The following GPC6 variants were observed in gnomAD, a reference collection of about 807,000 sequenced individuals.
GPC6 encodes the protein glypican 6, also known as glypican-6.
A neutral mutation model predicts 55.2 loss-of-function variants in GPC6; 14 were observed. The ratio of observed to expected loss-of-function variants is 0.25; its 90% CI spans 0.17 to 0.40. The LOEUF (loss-of-function observed/expected upper bound fraction) is 0.40, where lower values mean the gene tolerates loss of function less well. GPC6 is among the 10% of genes least tolerant of loss of function. GPC6 has a pLI of 1.00. For missense variants in GPC6, 641 were observed against 708.5 expected (o/e 0.90, Z 1.08); for synonymous variants, 278 against 259.6 (o/e 1.07, Z -0.68).
intron 4 of GPC6, among the ~76,000 whole-genome samples, chr13:94,198,125 C>G (rs1036974546): frequency 6.6e-6 from 1 of 152,056 alleles, no homozygotes; most frequent in Non-Finnish European, 1.5e-5. Context: ...GGTGTTTCAG[C>G]TGTTAAGTAC....
chr13:93,286,028 C>A (rs1878113055), intron 1 of GPC6, among the ~76,000 whole-genome samples: 1 of 152,164 alleles, frequency 6.6e-6, no homozygotes, highest in East Asian at 1.9e-4. Context: ...ACAATTAGTC[C>A]TTGTGTTAGT....
At chr13:94,236,749 G>A (rs149407738) in intron 4 of GPC6, among the ~76,000 whole-genome samples, 1 of 152,168 alleles carries the variant, frequency 6.6e-6, no homozygotes, top group East Asian at 1.9e-4. Flanking sequence ...CCTTCTGTAA[G>A]TATTTCCTGA....
intron 2 of GPC6, among the ~76,000 whole-genome samples, chr13:93,675,132 T>C (rs554529470): frequency 5.3e-5 from 8 of 152,292 alleles, no homozygotes; most frequent in South Asian, 2.1e-4. Context: ...ACAAGTGCAG[T>C]GTACAAGTAG....
At chr13:94,292,557 C>T (rs1875042726) in intron 5 of GPC6, among the ~76,000 whole-genome samples, 2 of 152,110 alleles carry the variant, frequency 1.3e-5, no homozygotes, top group African/African-American at 2.4e-5. Flanking sequence ...TTTGATAGTA[C>T]ACAATATAAA....
chr13:93,418,316 A>G (rs1876779770), intron 1 of GPC6, among the ~76,000 whole-genome samples: 1 of 151,554 alleles, frequency 6.6e-6, no homozygotes, highest in African/African-American at 2.4e-5. Context: ...ATTTTAAAAT[A>G]TACAATTAAT....
At chr13:93,789,608 T>TAATACTACATATATATAATACTAC (rs3077838) in intron 2 of GPC6, among the ~76,000 whole-genome samples, 1 of 33,070 alleles carries the variant, frequency 3.0e-5, no homozygotes, top group African/African-American at 1.5e-4. Context: ...CATATATATA[T>TAATACTACATATATATAATACTAC]ATATATATAT....
chr13:93,527,222 G>A (rs1164054323), intron 1 of GPC6, among the ~76,000 whole-genome samples: 1 of 152,084 alleles, frequency 6.6e-6, no homozygotes, highest in Non-Finnish European at 1.5e-5. Context: ...TTTTGTGTGT[G>A]TGTGGTAAGA....
intron 3 of GPC6, among the ~76,000 whole-genome samples, chr13:93,874,842 C>T (rs1006496087): frequency 8.6e-5 from 13 of 151,852 alleles, no homozygotes; most frequent in African/African-American, 2.9e-4. Flanking sequence ...ATCCTAGTTA[C>T]ATCTCCTCTA....
intron 4 of GPC6, among the ~76,000 whole-genome samples, chr13:94,263,306 AT>A (rs932937981): frequency 7.2e-5 from 11 of 152,244 alleles, no homozygotes; most frequent in African/African-American, 2.4e-4. Context: ...AGATGTAAAT[AT>A]TTAAAGTACT....
chr13:93,915,770 G>A lies in GPC6; in HGVS notation c.711+85225G>A, dbSNP rs116612557. ...AATTGTACCCCATGGTGCACTTTCT[G>A]AGGTTCCCTTGACCACCCTCTTATT... On this transcript the variant is annotated intron_variant, in intron 3 of 8. Coordinates refer to ENST00000377047, the MANE Select transcript of GPC6 (RefSeq NM_005708.5). 7.2e-3 allele frequency among the ~76,000 whole-genome samples: 1,092 copies of A among 152,310 alleles called. 13 individuals are homozygous for A. The highest frequency in any genetic ancestry group is 0.025 in the African/African-American group (1,036 of 41,554).
chr13:94,116,278 A>G (rs539912874), intron 4 of GPC6, among the ~76,000 whole-genome samples: 2 of 152,164 alleles, frequency 1.3e-5, no homozygotes, highest in African/African-American at 4.8e-5. Flanking sequence ...AATGCCTACT[A>G]CATTCTGGAA....
intron 4 of GPC6, among the ~76,000 whole-genome samples, chr13:94,130,524 AG>A (rs1886971625): frequency 6.6e-6 from 1 of 152,192 alleles, no homozygotes; most frequent in Admixed American, 6.6e-5. Flanking sequence ...AGTGCAGAAG[AG>A]AACTTCAAGA....
chr13:93,779,244 G>A (rs1281981964), intron 2 of GPC6, among the ~76,000 whole-genome samples: 6 of 152,118 alleles, frequency 3.9e-5, no homozygotes, highest in African/African-American at 1.4e-4. Context: ...CAGTGGAGGA[G>A]CTGAATACAC....
chr13:94,100,512 T>G (rs1433224809), intron 4 of GPC6, among the ~76,000 whole-genome samples: 1 of 152,204 alleles, frequency 6.6e-6, no homozygotes, highest in Non-Finnish European at 1.5e-5. Context: ...GACTGGCTTT[T>G]TAATAGTATC....
chr13:94,094,745 T>A (rs1295154914), intron 4 of GPC6, among the ~76,000 whole-genome samples: 1 of 152,188 alleles, frequency 6.6e-6, no homozygotes, highest in Non-Finnish European at 1.5e-5. Context: ...GTGTCACTCA[T>A]ACAGATTACT....
chr13:93,472,573 C>T lies in GPC6; in HGVS notation c.161-72690C>T, dbSNP rs150990354. 5.8e-4 allele frequency among the ~76,000 whole-genome samples: 89 copies of T among 152,256 alleles called. 1 individual carries two copies. The East Asian group carries it at 0.01, about 18-fold the overall frequency. Reference sequence around the variant, plus strand: ...TGGCACTGGAAAATGTGGGGGTGCCCGGAAGCTTGGAGATGCCAGGAACTG... The same window carrying T: ...TGGCACTGGAAAATGTGGGGGTGCCTGGAAGCTTGGAGATGCCAGGAACTG... On this transcript the variant is annotated intron_variant, in intron 1 of 8. Coordinates refer to ENST00000377047, the MANE Select transcript of GPC6 (RefSeq NM_005708.5).
chr13:94,079,658 A>G (rs537615110), intron 4 of GPC6, among the ~76,000 whole-genome samples: 104 of 152,320 alleles, frequency 6.8e-4, no homozygotes, highest in African/African-American at 2.4e-3. Context: ...GTGTGAACCT[A>G]TATTCCTCCT....
chr13:94,407,004 G>A lies in GPC6; in HGVS notation c.*3787G>A, dbSNP rs144357087. The A allele has an allele frequency of 8.5e-5, 13 of 152,210 alleles. No homozygotes were observed. The highest frequency in any genetic ancestry group is 1.8e-4 in the Non-Finnish European group (12 of 67,958). 9.4% of individuals were successfully genotyped at this position (152,210 alleles called of 1,614,324 possible). ...ATAAATTTGTAATGTGTTCCTCCTTGTTGGAGACATTAGCCAGTGTTTAGT... is the reference window on the plus strand; with the variant it reads ...ATAAATTTGTAATGTGTTCCTCCTTATTGGAGACATTAGCCAGTGTTTAGT... On this transcript the variant is annotated 3_prime_UTR_variant, in exon 9 of 9. Coordinates refer to ENST00000377047, the MANE Select transcript of GPC6 (RefSeq NM_005708.5).
chr13:93,794,742 A>G (rs1160484753), intron 2 of GPC6, among the ~76,000 whole-genome samples: 1 of 152,234 alleles, frequency 6.6e-6, no homozygotes, highest in Non-Finnish European at 1.5e-5. Context: ...GAAAGCTCAC[A>G]ATACTCAAGG....
Sources: gnomAD v4.1 joint callset for allele counts (sites outside exome capture counted in the v4.1 genomes callset) on GRCh38, gnomAD v4.1.1 for gene constraint, MANE v1.5 for transcripts, NCBI Gene and HGNC (gene_info 2026-07-23, HGNC 2026-07-21) for gene names.